VAV3: variants seen among roughly 807,000 people sequenced by gnomAD.
VAV3 encodes vav guanine nucleotide exchange factor 3.
In VAV3, 94 loss-of-function variants were observed where a neutral mutation model predicts 131.2. The ratio of observed to expected loss-of-function variants is 0.72; its 90% CI spans 0.61 to 0.85. VAV3 has a LOEUF of 0.85. Ranked by LOEUF, VAV3 falls within the 40% of genes least tolerant of loss-of-function variation. The pLI is 0.00. For synonymous variants in VAV3, 349 were observed against 342.0 expected (o/e 1.02, Z -0.22); for missense variants, 939 against 1,002.7 (o/e 0.94, Z 0.86).
chr1:107,612,270 T>C (rs1277380106), intron 21 of VAV3, among the ~76,000 whole-genome samples: 2 of 151,864 alleles, frequency 1.3e-5, no homozygotes, highest in East Asian at 3.8e-4. Context: ...ATGGCACACT[T>C]AGAAGTGAAG....
intron 19 of VAV3, among the ~76,000 whole-genome samples, chr1:107,674,288 C>G (rs544418542): frequency 6.6e-6 from 1 of 152,286 alleles, no homozygotes; most frequent in African/African-American, 2.4e-5. Flanking sequence ...CCAGTGTCTA[C>G]AGTTGTTTGT....
chr1:107,934,772 A>G (rs1302698203), intron 1 of VAV3, among the ~76,000 whole-genome samples: 1 of 152,242 alleles, frequency 6.6e-6, no homozygotes, highest in Non-Finnish European at 1.5e-5. Context: ...ACATTCAGAA[A>G]ATTTCAGACT....
intron 15 of VAV3, 70 bp from the exon 16 acceptor site, chr1:107,705,131 C>T: frequency 8.5e-7 from 1 of 1,182,284 alleles, no homozygotes; most frequent in South Asian, 1.3e-5. Flanking sequence ...TCATCTAAAC[C>T]CTAAATTCAT....
intron 1 of VAV3, among the ~76,000 whole-genome samples, chr1:107,937,490 C>G (rs939754541): frequency 6.6e-6 from 1 of 152,214 alleles, no homozygotes; most frequent in Admixed American, 6.5e-5. Context: ...AATTCTTAAA[C>G]TTACACCATT....
At chr1:107,611,547 A>G (rs1291881086) in intron 21 of VAV3, among the ~76,000 whole-genome samples, 1 of 151,740 alleles carries the variant, frequency 6.6e-6, no homozygotes, top group African/African-American at 2.4e-5. Flanking sequence ...GTGTTCTTTA[A>G]AAGTATAATG....
At chr1:107,650,060 G>A (rs895664900) in intron 19 of VAV3, among the ~76,000 whole-genome samples, 1 of 152,064 alleles carries the variant, frequency 6.6e-6, no homozygotes, top group African/African-American at 2.4e-5. Flanking sequence ...GAAGACAGTA[G>A]GCATTTGGGA....
At chr1:107,823,753 G>T (rs1667897414) in intron 2 of VAV3, among the ~76,000 whole-genome samples, 2 of 152,180 alleles carry the variant, frequency 1.3e-5, no homozygotes, top group Non-Finnish European at 2.9e-5. Flanking sequence ...AGGTCATAAG[G>T]GTGAGGCCCT....
chr1:107,596,465 G>T, intron 24 of VAV3, 124 bp from the exon 25 acceptor site: 1 of 996,684 alleles, frequency 1.0e-6, no homozygotes, highest in Non-Finnish European at 1.4e-6. Flanking sequence ...ATAGGTATAT[G>T]GAAGATTAAG....
chr1:107,894,729 A>T (rs1671485288), intron 1 of VAV3, among the ~76,000 whole-genome samples: 1 of 152,236 alleles, frequency 6.6e-6, no homozygotes, highest in South Asian at 2.1e-4. Flanking sequence ...TGACTGAAAG[A>T]CAAATTTCAA....
chr1:107,872,156 T>C (rs958346716), intron 2 of VAV3, among the ~76,000 whole-genome samples: 1 of 152,094 alleles, frequency 6.6e-6, no homozygotes, highest in African/African-American at 2.4e-5. Flanking sequence ...CCAGATCTTG[T>C]TCCTCTTCCC....
At chr1:107,780,018 T>C (rs534204191) in intron 2 of VAV3, among the ~76,000 whole-genome samples, 2 of 152,348 alleles carry the variant, frequency 1.3e-5, no homozygotes, top group African/African-American at 4.8e-5. Context: ...GAAAGTTCTA[T>C]TGGACAGTCC....
chr1:107,952,494 A>ATATATATATAT (rs1674601949), intron 1 of VAV3, among the ~76,000 whole-genome samples: 2 of 142,446 alleles, frequency 1.4e-5, no homozygotes, highest in African/African-American at 5.4e-5. Context: ...ATACACACAT[A>ATATATATATAT]AATTCAACCT....
chr1:107,961,566 T>A (rs1407207511), intron 1 of VAV3, among the ~76,000 whole-genome samples: 1 of 152,252 alleles, frequency 6.6e-6, no homozygotes, highest in Non-Finnish European at 1.5e-5. Flanking sequence ...TTTATTTAAC[T>A]GTATTATATA....
intron 12 of VAV3, among the ~76,000 whole-genome samples, chr1:107,754,309 T>A (rs1001606488): frequency 2.6e-5 from 4 of 152,196 alleles, no homozygotes; most frequent in Admixed American, 1.3e-4. Flanking sequence ...GATGAGAGGC[T>A]ACTGTGACTG....
intron 20 of VAV3, among the ~76,000 whole-genome samples, chr1:107,624,413 TGAAA>T (rs1203767059): frequency 7.7e-6 from 1 of 129,212 alleles, no homozygotes; most frequent in African/African-American, 2.9e-5. Context: ...TGTGTGTGTG[TGAAA>T]GAAACAAGAG....
intron 2 of VAV3, among the ~76,000 whole-genome samples, chr1:107,809,071 A>G (rs993554448): frequency 2.6e-5 from 4 of 152,220 alleles, no homozygotes; most frequent in African/African-American, 9.7e-5. Context: ...TTATATTATC[A>G]GATCATGCGT....
chr1:107,638,318 G>A (rs559159683), intron 20 of VAV3, among the ~76,000 whole-genome samples: 34 of 152,140 alleles, frequency 2.2e-4, no homozygotes, highest in Admixed American at 7.2e-4. Context: ...AAAGCTACAA[G>A]AACAACTGAA....
intron 13 of VAV3, among the ~76,000 whole-genome samples, chr1:107,750,706 C>CA (rs1308541937): frequency 6.6e-6 from 1 of 152,216 alleles, no homozygotes; most frequent in Non-Finnish European, 1.5e-5. Context: ...ACTACATCTG[C>CA]AAATTTCCCT....
chr1:107,753,545 T>TAC (rs1260117126), intron 12 of VAV3, among the ~76,000 whole-genome samples: 4 of 59,880 alleles, frequency 6.7e-5, no homozygotes, highest in African/African-American at 1.2e-4. Context: ...TATATATATA[T>TAC]ATATACACAC....
Sources: allele counts gnomAD v4.1 joint callset (sites outside exome capture counted in the v4.1 genomes callset), GRCh38; gene constraint gnomAD v4.1.1; transcripts MANE v1.5; gene names NCBI Gene and HGNC (gene_info 2026-07-23, HGNC 2026-07-21).